MICAL3: variants seen among roughly 807,000 people sequenced by gnomAD.
MICAL3 encodes the protein microtubule associated monooxygenase, calponin and LIM domain containing 3, also known as [F-actin]-monooxygenase MICAL3.
MICAL3 carries 62 observed loss-of-function variants against 207.4 expected under a neutral mutation model. That is an observed-to-expected ratio of 0.30 (90% CI 0.24 to 0.37). The LOEUF is 0.37. Among genes scored for constraint, MICAL3 ranks in the 10% least tolerant of loss-of-function variants. The pLI, the probability that MICAL3 is intolerant of heterozygous loss-of-function variation, is 1.00. For missense variants in MICAL3, 2,368 were observed against 2,635.6 expected, an observed-to-expected ratio of 0.90 and a Z score of 2.22; for synonymous variants, 1,077 against 1,069.3, an observed-to-expected ratio of 1.01 and a Z score of -0.14.
rs189085678 is a variant in MICAL3 at position 17,853,189 on chromosome 22, A to G, written c.2606-11172T>C. 1.4e-4 allele frequency among the ~76,000 whole-genome samples: 22 copies of G among 152,314 alleles called. 1 individual carries two copies. The highest frequency in any genetic ancestry group is 9.8e-4 in the Admixed American group (15 of 15,300). The stretch of plus-strand genomic sequence containing the variant: ...TGTCATAGAATCAGTAGGTGACTTC[A>G]CATCCCATTCACGCAGGCTGAGGGA... On this transcript the variant is annotated intron_variant, in intron 19 of 31. Coordinates refer to ENST00000441493, the MANE Select transcript of MICAL3 (RefSeq NM_015241.3).
intron 1 of MICAL3, among the ~76,000 whole-genome samples, chr22:17,928,185 A>G (rs1345268557): frequency 1.3e-5 from 2 of 152,174 alleles, no homozygotes; most frequent in East Asian, 1.9e-4. Flanking sequence ...CATGCCTGTA[A>G]TCCCAGCACT....
Position 17,808,912 on chromosome 22 carries a change from A to T in MICAL3, c.5582T>A (p.Val1861Glu). ...CTCCAGCCGCCGCTGCCTCTCCTCC[A>T]CCTGCTGCAGCTGCCGCTGGATGAT... ...AQIIQRQLQQ[V>E]EERQRRLEER... Residue 1861 changes from valine (V) to glutamate (E), a missense_variant, in exon 29 of 32, where the codon GTG becomes GAG. Val to Glu is a moderately radical substitution (Grantham distance 121, BLOSUM62 -2). This residue lies in a region of MICAL3 where 1,770 missense variants were observed against 1,863.2 expected (regional missense o/e 0.95). Coordinates refer to ENST00000441493, the MANE Select transcript of MICAL3 (RefSeq NM_015241.3). The T allele has an allele frequency of 6.4e-7, 1 of 1,552,746 alleles. No homozygotes were observed. Among genetic ancestry groups the T allele is most frequent in the South Asian group, 1.2e-5 (1 of 84,218 alleles).
chr22:17,829,752 G>C (rs1224541910), intron 21 of MICAL3, among the ~76,000 whole-genome samples: 1 of 152,230 alleles, frequency 6.6e-6, no homozygotes, highest in Non-Finnish European at 1.5e-5. Flanking sequence ...CTGCATCAGA[G>C]AAGGAGCCAA....
intron 1 of MICAL3, among the ~76,000 whole-genome samples, chr22:17,946,964 C>T (rs1421022149): frequency 6.6e-6 from 1 of 152,198 alleles, no homozygotes; most frequent in African/African-American, 2.4e-5. Flanking sequence ...GCCCTGCTAT[C>T]GCCTCTCCAT....
chr22:17,941,398 C>T (rs1933799206), intron 1 of MICAL3, among the ~76,000 whole-genome samples: 1 of 152,192 alleles, frequency 6.6e-6, no homozygotes, highest in African/African-American at 2.4e-5. Context: ...CCATTCTCAG[C>T]TTCTCTGGAA....
chr22:17,940,138 T>A (rs1179818439), intron 1 of MICAL3, among the ~76,000 whole-genome samples: 1 of 152,252 alleles, frequency 6.6e-6, no homozygotes, highest in African/African-American at 2.4e-5. Flanking sequence ...TTATTTTCAA[T>A]GTATCAATCA....
In MICAL3 at chr22:17,885,980, G is replaced by A. The variant is rs747911244; in HGVS notation, c.2139C>T (p.Asp713=). Residue 713 remains aspartate, a synonymous_variant, in exon 16 of 32, where the codon GAC becomes GAT. Coordinates refer to ENST00000441493, the MANE Select transcript of MICAL3 (RefSeq NM_015241.3). ...LVSTLTDRRM[D]VAVGNQNKVK... is the part of the protein sequence containing the mutation. ...CTTTGTTCTGGTTCCCAACGGCAAC[G>A]TCCATCCTCCTGTCTGTCAGAGTGC... 9.9e-6 allele frequency: 16 copies of A among 1,613,906 alleles called. No individual in the cohort carries two copies. Among genetic ancestry groups the A allele is most frequent in the African/African-American group, 2.7e-5 (2 of 74,934 alleles).
intron 1 of MICAL3, among the ~76,000 whole-genome samples, chr22:17,982,042 T>C (rs540940778): frequency 6.6e-6 from 1 of 151,932 alleles, no homozygotes; most frequent in South Asian, 2.1e-4. Flanking sequence ...GAAGTCGAGG[T>C]TACAGTGAGC....
At chr22:17,955,468 A>G (rs578063595) in intron 1 of MICAL3, among the ~76,000 whole-genome samples, 4 of 152,320 alleles carry the variant, frequency 2.6e-5, no homozygotes, top group Admixed American at 2.0e-4. Context: ...AGCTATCAGT[A>G]GGCTGAGGAA....
At chr22:17,877,627 A>G (rs926469121) in intron 16 of MICAL3, among the ~76,000 whole-genome samples, 2 of 151,102 alleles carry the variant, frequency 1.3e-5, no homozygotes, top group Admixed American at 1.3e-4. Flanking sequence ...AGAGTCCAAG[A>G]AAAGAACTTA....
At chr22:17,791,136 C>A in intron 30 of MICAL3, 65 bp from the exon 31 acceptor site, 1 of 1,604,478 alleles carries the variant, frequency 6.2e-7, no homozygotes, top group Non-Finnish European at 8.5e-7. Context: ...ACCCCCAAAT[C>A]TGGAAGGACC....
At chr22:17,996,131 ATTT>A in intron 1 of MICAL3, among the ~76,000 whole-genome samples, 1 of 128,520 alleles carries the variant, frequency 7.8e-6, no homozygotes. Flanking sequence ...TGCTGTCTCA[ATTT>A]AAAAAAAAAA....
intron 20 of MICAL3, among the ~76,000 whole-genome samples, chr22:17,832,414 C>G (rs1321535485): frequency 6.6e-6 from 1 of 152,206 alleles, no homozygotes; most frequent in Admixed American, 6.5e-5. Context: ...TCTGGCCCAG[C>G]CTCTGCCTGT....
At chr22:17,896,468 C>T in intron 8 of MICAL3, 107 bp from the exon 9 acceptor site, 2 of 795,742 alleles carry the variant, frequency 2.5e-6, no homozygotes, top group Non-Finnish European at 4.1e-6. Context: ...TGTTTGGCAA[C>T]TGTTTCAATA....
intron 1 of MICAL3, among the ~76,000 whole-genome samples, chr22:17,908,835 G>A (rs985999232): frequency 4.6e-5 from 7 of 152,202 alleles, no homozygotes; most frequent in African/African-American, 1.4e-4. Context: ...AGAAGCAAGA[G>A]ACTGCCCACT....
In MICAL3 at chr22:17,896,964, C is replaced by T; in HGVS notation, c.966G>A (p.Glu322=). The change falls in exon 8 of 32, where the codon GAG becomes GAA. Residue 322 remains glutamate (E), a synonymous_variant. Transcript: ENST00000441493. The stretch of plus-strand genomic sequence containing the variant: ...CCACGTTTTCTCGGGAAAGCAGGAG[C>T]TCTGTGTCGGCGTAGTCCTGTCTCC... ...GVILHDYADT[E]LLLSRENVDQ... The T allele has an allele frequency of 6.2e-7, 1 of 1,613,466 alleles. No homozygotes were observed. The highest frequency in any genetic ancestry group is 8.5e-7 in the Non-Finnish European group (1 of 1,179,706).
At position 17,881,156 on chromosome 22, in the gene MICAL3, A is replaced by ACAGG. The variant is rs1172311481; in HGVS notation, c.2241+4718_2241+4721dup. The ACAGG allele has an allele frequency of 3.4e-6, 5 of 1,474,770 alleles. No individual in the cohort carries two copies. The Admixed American group carries it at 8.5e-5, about 25-fold the overall frequency. The allele number at this position is 1,474,770 out of a possible 1,614,324, so 91.4% of individuals were successfully genotyped here. ...GTCTCTACACTAGCCACCTACACAG[A>ACAGG]CAGGCAGGCAGACAGAGACAGGAAC... On this transcript the variant is annotated intron_variant, in intron 16 of 31. Coordinates refer to ENST00000441493, the MANE Select transcript of MICAL3 (RefSeq NM_015241.3).
Position 17,896,313 on chromosome 22 carries a change from T to C in MICAL3, c.1255A>G (p.Met419Val), listed in dbSNP as rs1602169502. ...TGIARGFLAA[M>V]DSAWMVRSWS... ...CTTCGGACCATCCAGGCAGAGTCCATAGCAGCTAGAAAGCCCCGGGCTATT... is the reference window on the plus strand; with the variant it reads ...CTTCGGACCATCCAGGCAGAGTCCACAGCAGCTAGAAAGCCCCGGGCTATT... Residue 419 changes from methionine to valine, a missense_variant, in exon 9 of 32, where the codon ATG (methionine) becomes GTG (valine). This residue lies in a region of MICAL3 where 400 missense variants were observed against 547.0 expected (regional missense o/e 0.73). Transcript: ENST00000441493. 1 of 1,561,604 alleles carries C rather than the reference T, an allele frequency of 6.4e-7. No individual in the cohort carries two copies. The highest frequency in any genetic ancestry group is 8.7e-7 in the Non-Finnish European group (1 of 1,152,340).
intron 29 of MICAL3, among the ~76,000 whole-genome samples, chr22:17,801,696 C>A (rs2061941763): frequency 6.6e-6 from 1 of 151,584 alleles, no homozygotes; most frequent in Non-Finnish European, 1.5e-5. Flanking sequence ...GAGTTGGAGA[C>A]CAGCCTGGCC....
Sources: gnomAD v4.1 joint callset for allele counts (sites outside exome capture counted in the v4.1 genomes callset) on GRCh38, gnomAD v4.1.1 for gene constraint, gnomAD v4.1.1 regional missense constraint, MANE v1.5 for transcripts, NCBI Gene and HGNC (gene_info 2026-07-23, HGNC 2026-07-21) for gene names.